Variants in NAALADL2 observed in about 807,000 individuals in gnomAD.
NAALADL2 encodes the protein N-acetylated alpha-linked acidic dipeptidase like 2, also known as inactive N-acetylated-alpha-linked acidic dipeptidase-like protein 2.
NAALADL2 carries 76 observed loss-of-function variants against 87.2 expected under a neutral mutation model. The observed-to-expected ratio is 0.87, with a 90% CI of 0.72 to 1.05. The LOEUF (loss-of-function observed/expected upper bound fraction) is 1.05, where lower values mean the gene tolerates loss of function less well. Among genes scored for constraint, NAALADL2 ranks in the 50% least tolerant of loss-of-function variants. NAALADL2 has a pLI of 0.00. For missense variants in NAALADL2, 1,089 were observed against 945.8 expected (o/e 1.15, Z -1.99); for synonymous variants, 354 against 331.0 (o/e 1.07, Z -0.75).
At chr3:175,574,415 G>T (rs534458848) in intron 9 of NAALADL2, among the ~76,000 whole-genome samples, 4 of 152,184 alleles carry the variant, frequency 2.6e-5, no homozygotes, top group Non-Finnish European at 5.9e-5. Context: ...GGTCAAAATA[G>T]TAGAGTACTG....
At chr3:175,316,997 T>C (rs750884191) in intron 4 of NAALADL2, among the ~76,000 whole-genome samples, 1 of 152,146 alleles carries the variant, frequency 6.6e-6, no homozygotes, top group Non-Finnish European at 1.5e-5. Flanking sequence ...GGTCAAACCA[T>C]TGCAGGCAGA....
At chr3:175,067,056 A>G (rs1237426417) in intron 1 of NAALADL2, among the ~76,000 whole-genome samples, 2 of 152,144 alleles carry the variant, frequency 1.3e-5, no homozygotes, top group East Asian at 3.9e-4. Flanking sequence ...CCTATTTTTG[A>G]TCAAGATAGA....
intron 9 of NAALADL2, among the ~76,000 whole-genome samples, chr3:175,486,897 C>A (rs1255021650): frequency 2.6e-5 from 4 of 152,080 alleles, no homozygotes; most frequent in African/African-American, 9.7e-5. Flanking sequence ...AGCCAGGATG[C>A]AACTGTATCT....
intron 5 of NAALADL2, among the ~76,000 whole-genome samples, chr3:175,366,049 C>T (rs1488859336): frequency 4.5e-5 from 5 of 109,986 alleles, no homozygotes; most frequent in African/African-American, 1.0e-4. Flanking sequence ...TGATGTTCCC[C>T]TTCCTGTGTC....
intron 13 of NAALADL2, among the ~76,000 whole-genome samples, chr3:175,801,783 G>C (rs936062348): frequency 1.3e-5 from 2 of 152,072 alleles, no homozygotes; most frequent in Non-Finnish European, 2.9e-5. Context: ...ATAAGACAAT[G>C]ATGCAATAAT....
chr3:175,098,091 TGG>T (rs1721462845), intron 2 of NAALADL2, among the ~76,000 whole-genome samples: 2 of 152,158 alleles, frequency 1.3e-5, no homozygotes, highest in Admixed American at 6.6e-5. Flanking sequence ...TTGGTGTTGG[TGG>T]ATTCTAATCC....
chr3:175,180,458 T>G (rs1531384), intron 2 of NAALADL2, among the ~76,000 whole-genome samples: 126,783 of 151,522 alleles, frequency 0.84, 53,322 homozygotes, highest in East Asian at 0.93. Flanking sequence ...ATTTGTAAGA[T>G]AATTTTCAAA....
In NAALADL2 at chr3:175,595,454, G is replaced by A. The variant is rs575087621; in HGVS notation, c.1800+19267G>A. ...AAAATAAGTCAAAATATCTCTCTTAGCTGATGATGATTTGATACTTGAAAA... is the reference window on the plus strand; with the variant it reads ...AAAATAAGTCAAAATATCTCTCTTAACTGATGATGATTTGATACTTGAAAA... On this transcript the variant is annotated intron_variant, in intron 10 of 13. Transcript: ENST00000454872. 1.0e-3 allele frequency among the ~76,000 whole-genome samples: 159 copies of A among 151,956 alleles called. 1 individual carries two copies. Among genetic ancestry groups the A allele is most frequent in the African/African-American group, 3.4e-3 (143 of 41,474 alleles).
intron 2 of NAALADL2, among the ~76,000 whole-genome samples, chr3:174,619,781 A>T (rs1266225012): frequency 6.6e-6 from 1 of 151,944 alleles, no homozygotes; most frequent in Non-Finnish European, 1.5e-5. Context: ...TAATATTTTT[A>T]GGGTTTATTT....
chr3:174,783,205 A>G (rs754706244), intron 3 of NAALADL2, among the ~76,000 whole-genome samples: 1 of 152,200 alleles, frequency 6.6e-6, no homozygotes, highest in Non-Finnish European at 1.5e-5. Context: ...ATGTAAGTAT[A>G]GAATGGAAAA....
Position 174,844,835 on chromosome 3 carries a change from GTTTTTTTTTTTTT to G in NAALADL2, c.-9+107104_-9+107116del, listed in dbSNP as rs781333758. Among the ~76,000 whole-genome samples the G allele has an allele frequency of 9.2e-3, 326 of 35,458 alleles. 6 individuals carry two copies. The highest frequency in any genetic ancestry group is 0.039 in the African/African-American group (310 of 7,904). 23.3% of individuals were successfully genotyped at this position (35,458 alleles called of 152,430 possible). Reference sequence around the variant, plus strand: ...ATGAACTTGTTTATTAGTTCTAATGGTTTTTTTTTTTTTTTTTTTTTTTTTTTGGGGGAGTCTT... The same window carrying G: ...ATGAACTTGTTTATTAGTTCTAATGGTTTTTTTTTTTTTTGGGGGAGTCTT... On this transcript the variant is annotated intron_variant, in intron 3 of 3. Transcript: ENST00000434257.
At chr3:174,804,687 A>G (rs1167607810) in intron 3 of NAALADL2, among the ~76,000 whole-genome samples, 2 of 152,154 alleles carry the variant, frequency 1.3e-5, no homozygotes, top group African/African-American at 4.8e-5. Flanking sequence ...ACTTAGACTA[A>G]AGAAAGGAAT....
At chr3:175,065,723 AAG>A (rs1409334402) in intron 1 of NAALADL2, among the ~76,000 whole-genome samples, 4 of 152,236 alleles carry the variant, frequency 2.6e-5, no homozygotes, top group South Asian at 2.1e-4. Flanking sequence ...GGAGAAAAAA[AAG>A]AGAGTCAGAA....
At chr3:175,338,653 ACACACAC>A (rs1560388913) in intron 5 of NAALADL2, among the ~76,000 whole-genome samples, 15 of 149,406 alleles carry the variant, frequency 1.0e-4, no homozygotes, top group South Asian at 4.2e-4. Flanking sequence ...ACACACACAC[ACACACAC>A]ACAAACAAAC....
chr3:175,279,761 GAAT>G (rs1312254568), intron 4 of NAALADL2, among the ~76,000 whole-genome samples: 1 of 150,046 alleles, frequency 6.7e-6, no homozygotes, highest in Non-Finnish European at 1.5e-5. Context: ...AACAATCGCT[GAAT>G]AAGATCCTCT....
chr3:175,247,761 T>C (rs2109721806), intron 3 of NAALADL2, among the ~76,000 whole-genome samples: 1 of 152,306 alleles, frequency 6.6e-6, no homozygotes, highest in South Asian at 2.1e-4. Context: ...CTTGTGCAAC[T>C]GCACAGGTCA....
intron 5 of NAALADL2, among the ~76,000 whole-genome samples, chr3:175,348,098 C>A (rs1319449974): frequency 1.3e-5 from 2 of 152,114 alleles, no homozygotes; most frequent in African/African-American, 4.8e-5. Flanking sequence ...GTTGCCCAGG[C>A]TGGAGTGCAA....
chr3:174,946,148 C>T (rs764333410), intron 1 of NAALADL2, among the ~76,000 whole-genome samples: 5 of 151,326 alleles, frequency 3.3e-5, no homozygotes, highest in Admixed American at 6.6e-5. Context: ...TATATTTCTC[C>T]AATTCTTGCC....
chr3:174,687,070 C>T (rs1728114841), intron 2 of NAALADL2, among the ~76,000 whole-genome samples: 1 of 152,090 alleles, frequency 6.6e-6, no homozygotes, highest in Non-Finnish European at 1.5e-5. Flanking sequence ...ATTCCTCACA[C>T]TGTCCTACAA....
Sources: allele counts gnomAD v4.1 joint callset (sites outside exome capture counted in the v4.1 genomes callset), GRCh38; gene constraint gnomAD v4.1.1; transcripts MANE v1.5; gene names NCBI Gene and HGNC (gene_info 2026-07-23, HGNC 2026-07-21).